The following CDS2 variants were observed in gnomAD, a reference collection of about 807,000 sequenced individuals.
CDS2 encodes CDP-diacylglycerol synthase 2.
A neutral mutation model predicts 59.0 loss-of-function variants in CDS2; 47 were observed. The ratio of observed to expected loss-of-function variants is 0.80; its 90% CI spans 0.63 to 1.02. The LOEUF is 1.02. Ranked by LOEUF, CDS2 falls within the 50% of genes least tolerant of loss-of-function variation. The pLI is 0.00. For missense variants in CDS2, 356 were observed against 558.9 expected, an observed-to-expected ratio of 0.64 and a Z score of 3.66; for synonymous variants, 207 against 206.4, an observed-to-expected ratio of 1.00 and a Z score of -0.02.
At chr20:5,154,265 GGGCTGTGAAGTGTTCACT>G (rs1310334128) in intron 1 of CDS2, among the ~76,000 whole-genome samples, 2 of 152,164 alleles carry the variant, frequency 1.3e-5, no homozygotes, top group South Asian at 4.1e-4. Flanking sequence ...AGGCTCTCTT[GGGCTGTGAAGTGTTCACT>G]GGCTGTGGTA....
intron 1 of CDS2, among the ~76,000 whole-genome samples, chr20:5,141,453 G>GC: frequency 6.6e-6 from 1 of 152,272 alleles, no homozygotes; most frequent in South Asian, 2.1e-4. Flanking sequence ...CACATGCTGG[G>GC]GGGGTGGTGC....
rs966907710 is a variant in CDS2 at position 5,193,694 on chromosome 20, G to T, written c.*3460G>T. 5 of 152,180 alleles carry T rather than the reference G, an allele frequency of 3.3e-5. No homozygotes were observed. Among genetic ancestry groups the T allele is most frequent in the African/African-American group, 1.2e-4 (5 of 41,450 alleles). 9.4% of individuals were successfully genotyped at this position (152,180 alleles called of 1,614,324 possible). A position where few individuals can be genotyped will look rare whatever the true frequency, so the allele number is the denominator to read the frequency against. On this transcript the variant is annotated 3_prime_UTR_variant, in exon 13 of 13. Coordinates refer to ENST00000460006, the MANE Select transcript of CDS2 (RefSeq NM_003818.4). ...CACTATTGACAGAGTCGGGTAGTGG[G>T]AGAGTATAAGTGACTTGAGACAGAG...
At chr20:5,135,639 G>T (rs189925240) in intron 1 of CDS2, among the ~76,000 whole-genome samples, 9 of 151,956 alleles carry the variant, frequency 5.9e-5, no homozygotes, top group African/African-American at 2.2e-4. Context: ...CCACCCCCAC[G>T]TATGGTCCCC....
At chr20:5,151,750 CTTTTTTT>C (rs57378947) in intron 1 of CDS2, among the ~76,000 whole-genome samples, 2 of 53,176 alleles carry the variant, frequency 3.8e-5, no homozygotes, top group African/African-American at 5.9e-5. Flanking sequence ...GACTCCATGT[CTTTTTTT>C]TTTTTTTTTT....
At chr20:5,143,110 C>G (rs1171972047) in intron 1 of CDS2, among the ~76,000 whole-genome samples, 2 of 152,138 alleles carry the variant, frequency 1.3e-5, no homozygotes, top group East Asian at 3.8e-4. Context: ...TCCCACAGTG[C>G]TGGTATTATT....
In CDS2 at chr20:5,186,805, A is replaced by G; in HGVS notation, c.947A>G (p.Asn316Ser). 3 of 1,614,140 alleles carry G rather than the reference A, an allele frequency of 1.9e-6. No homozygotes were observed. Among genetic ancestry groups the G allele is most frequent in the Non-Finnish European group, 2.5e-6 (3 of 1,180,012 alleles). Reference sequence around the variant, plus strand: ...GACCTGTTTCGCCTGCAGGAGTACAACATTCCTGGGGTGATCCAGTCAGTC... The same window carrying G: ...GACCTGTTTCGCCTGCAGGAGTACAGCATTCCTGGGGTGATCCAGTCAGTC... ...PSDLFRLQEY[N>S]IPGVIQSVIG... The change falls in exon 10 of 13, where the codon AAC becomes AGC. Residue 316 changes from asparagine to serine, a missense_variant. By Grantham distance (46) the Asn-to-Ser change is conservative (BLOSUM62 1). Coordinates refer to ENST00000460006, the MANE Select transcript of CDS2 (RefSeq NM_003818.4).
rs182078563 is a variant in CDS2, at chr20:5,151,606, T to A, written c.58-21917T>A. On this transcript the variant is annotated intron_variant, in intron 1 of 12. Coordinates refer to ENST00000460006, the MANE Select transcript of CDS2 (RefSeq NM_003818.4). The stretch of plus-strand genomic sequence containing the variant: ...AGGATCCCATCTCTTAAAAAAAAAA[T>A]AAATAAAATTTTTGTAGAGGTGGGG... Among the ~76,000 whole-genome samples, 791 of 151,742 alleles carry A rather than the reference T, an allele frequency of 5.2e-3. 5 individuals carry two copies. Among genetic ancestry groups the A allele is most frequent in the African/African-American group, 0.018 (754 of 41,320 alleles).
rs188633303 is a variant in CDS2, at chr20:5,136,320, A to G, written c.57+9171A>G. Among the ~76,000 whole-genome samples, 6 of 152,312 alleles carry G rather than the reference A, an allele frequency of 3.9e-5. No individual in the cohort carries two copies. The East Asian group carries it at 1.2e-3, about 29-fold the overall frequency. On this transcript the variant is annotated intron_variant, in intron 1 of 12. Transcript: ENST00000460006. Reference sequence around the variant, plus strand: ...TTTCTTTCTTCTGCGATAAAATCCCAGATGACTCGGTTACTCAGGCTTGAA... The same window carrying G: ...TTTCTTTCTTCTGCGATAAAATCCCGGATGACTCGGTTACTCAGGCTTGAA...
rs1467801315 is a variant in CDS2 at position 5,196,281 on chromosome 20, T to A, written c.*6047T>A. The A allele has an allele frequency of 1.3e-5, 2 of 152,226 alleles. No individual in the cohort carries two copies. Among genetic ancestry groups the A allele is most frequent in the Non-Finnish European group, 2.9e-5 (2 of 68,086 alleles). 9.4% of individuals were successfully genotyped at this position (152,226 alleles called of 1,614,324 possible). A position where few individuals can be genotyped will look rare whatever the true frequency, so the allele number is the denominator to read the frequency against. The stretch of plus-strand genomic sequence containing the variant: ...GCCCTCCTGTCCTTCTGGGTTTGTG[T>A]TTGCCTTGCCTGGTGCTTCCTCCCT... On this transcript the variant is annotated 3_prime_UTR_variant, in exon 13 of 13. Transcript: ENST00000460006.
chr20:5,167,741 G>C (rs2090923378), intron 1 of CDS2, among the ~76,000 whole-genome samples: 1 of 152,216 alleles, frequency 6.6e-6, no homozygotes, highest in Non-Finnish European at 1.5e-5. Flanking sequence ...CACAGGGCTT[G>C]ATCTAGAAGA....
chr20:5,127,586 G>C (rs1202374138), intron 1 of CDS2, among the ~76,000 whole-genome samples: 1 of 152,166 alleles, frequency 6.6e-6, no homozygotes, highest in Non-Finnish European at 1.5e-5. Flanking sequence ...GGGGAATCAG[G>C]ACAAGGCCAT....
intron 3 of CDS2, chr20:5,176,355 A>T: frequency 3.7e-6 from 1 of 269,538 alleles, no homozygotes; most frequent in Non-Finnish European, 7.3e-6. Context: ...CCAGGAGTTC[A>T]AGACCAGCCT....
chr20:5,178,423 G>C (rs1028282871), intron 4 of CDS2, among the ~76,000 whole-genome samples: 1 of 152,196 alleles, frequency 6.6e-6, no homozygotes, highest in Non-Finnish European at 1.5e-5. Context: ...GGCAAAGCCG[G>C]AAGAAACCAT....
rs376788962 is a variant in CDS2, at chr20:5,165,575, G to T, written c.58-7948G>T. On this transcript the variant is annotated intron_variant, in intron 1 of 12. Transcript: ENST00000460006. The stretch of plus-strand genomic sequence containing the variant: ...TGTTTTTTTGTTTTTTTGAGACAGG[G>T]TCTTGCTCTGTCATCTAGGCTGGAA... Among the ~76,000 whole-genome samples the T allele has an allele frequency of 5.5e-4, 83 of 152,154 alleles. No homozygotes were observed. The South Asian group carries it at 0.014, about 26-fold the overall frequency.
At chr20:5,147,373 T>A (rs1162185170) in intron 1 of CDS2, among the ~76,000 whole-genome samples, 1 of 152,122 alleles carries the variant, frequency 6.6e-6, no homozygotes, top group East Asian at 1.9e-4. Flanking sequence ...GAAGGGGAAC[T>A]GTTTTGTAGG....
chr20:5,142,403 C>T (rs545832166), intron 1 of CDS2, among the ~76,000 whole-genome samples: 66 of 151,836 alleles, frequency 4.3e-4, no homozygotes, highest in African/African-American at 1.4e-3. Context: ...GCCAAGATCA[C>T]GCCACTGCAT....
chr20:5,168,943 T>C (rs2090934364), intron 1 of CDS2, among the ~76,000 whole-genome samples: 1 of 152,158 alleles, frequency 6.6e-6, no homozygotes, highest in African/African-American at 2.4e-5. Flanking sequence ...TTTCTGAGCA[T>C]GAGTTTCTCC....
Position 5,193,316 on chromosome 20 carries a change from T to C in CDS2, c.*3082T>C, listed in dbSNP as rs1321748078. ...TTTGCATTTAAAATGTAATTACTCT[T>C]AGTATTGTACAGCCCTATAATGTAT... On this transcript the variant is annotated 3_prime_UTR_variant, in exon 13 of 13. Coordinates refer to ENST00000460006, the MANE Select transcript of CDS2 (RefSeq NM_003818.4). 1 of 152,248 alleles carries C rather than the reference T, an allele frequency of 6.6e-6. No homozygotes were observed. The highest frequency in any genetic ancestry group is 1.5e-5 in the Non-Finnish European group (1 of 68,044). 9.4% of individuals were successfully genotyped at this position (152,248 alleles called of 1,614,324 possible). A position where few individuals can be genotyped will look rare whatever the true frequency, so the allele number is the denominator to read the frequency against.
At chr20:5,187,237 T>TC (rs1359251798) in intron 10 of CDS2, 2 of 210,690 alleles carry the variant, frequency 9.5e-6, no homozygotes, top group African/African-American at 4.5e-5. Flanking sequence ...GGCAGTGGGT[T>TC]CCTCATGCCA....
Sources: allele counts gnomAD v4.1 joint callset (sites outside exome capture counted in the v4.1 genomes callset), GRCh38; gene constraint gnomAD v4.1.1; transcripts MANE v1.5; gene names NCBI Gene and HGNC (gene_info 2026-07-23, HGNC 2026-07-21).